The following FSTL4 variants were observed in gnomAD, a reference collection of about 807,000 sequenced individuals.
FSTL4 encodes follistatin like 4.
In FSTL4, 28 loss-of-function variants were observed where a neutral mutation model predicts 78.2. The ratio of observed to expected loss-of-function variants is 0.36; its 90% CI spans 0.27 to 0.49. The LOEUF is 0.49. FSTL4 is among the 20% of genes least tolerant of loss of function. The pLI, the probability that FSTL4 is intolerant of heterozygous loss-of-function variation, is 0.98. For synonymous variants in FSTL4, 422 were observed against 440.5 expected (o/e 0.96, Z 0.53); for missense variants, 922 against 1,084.9 (o/e 0.85, Z 2.11).
At chr5:133,490,244 TAAC>T (rs1758229612) in intron 3 of FSTL4, among the ~76,000 whole-genome samples, 1 of 152,118 alleles carries the variant, frequency 6.6e-6, no homozygotes, top group African/African-American at 2.4e-5. Flanking sequence ...GTGAAATTAA[TAAC>T]AAACTGATCT....
At chr5:133,815,539 A>C in the FSTL4 span, among the ~76,000 whole-genome samples, 19 of 152,226 alleles carry the variant, frequency 1.2e-4, no homozygotes, top group African/African-American at 4.6e-4. Flanking sequence ...AAGATGTGGC[A>C]CAGTGGTAAG....
rs1554097223 is a variant in FSTL4, at chr5:133,221,913, T to TTTTGTTG, written c.1340-1048_1340-1047insCAACAAA. 3.1e-5 allele frequency among the ~76,000 whole-genome samples: 3 copies of TTTTGTTG among 97,806 alleles called. No homozygotes were observed. In the South Asian group the frequency reaches 9.7e-4, roughly 32 times the overall value. 64.2% of individuals were successfully genotyped at this position (97,806 alleles called of 152,430 possible). Reference sequence around the variant, plus strand: ...CTAGTTTTTTTTTTTTTTTTTTTTTTTTTTTTTTTTTTTTAGCATGCTGAG... The same window carrying TTTTGTTG: ...CTAGTTTTTTTTTTTTTTTTTTTTTTTTTGTTGTTTTTTTTTTTTTTAGCATGCTGAG... On this transcript the variant is annotated intron_variant, in intron 11 of 15. Transcript: ENST00000265342.
chr5:133,741,125 C>A, the FSTL4 span, among the ~76,000 whole-genome samples: 4 of 152,170 alleles, frequency 2.6e-5, no homozygotes, highest in African/African-American at 7.2e-5. Context: ...GACACCCCCA[C>A]CAACAACTGC....
At chr5:133,575,700 A>C (rs1760261670) in intron 2 of FSTL4, among the ~76,000 whole-genome samples, 1 of 152,252 alleles carries the variant, frequency 6.6e-6, no homozygotes, top group African/African-American at 2.4e-5. Flanking sequence ...TCATTGACAT[A>C]ATGACACCAA....
At chr5:133,641,058 C>T in the FSTL4 span, among the ~76,000 whole-genome samples, 1 of 152,166 alleles carries the variant, frequency 6.6e-6, no homozygotes, top group Admixed American at 6.5e-5. Flanking sequence ...GCACAATTCC[C>T]ATAGACTACA....
intron 4 of FSTL4, among the ~76,000 whole-genome samples, chr5:133,352,570 T>C (rs918036741): frequency 6.6e-6 from 1 of 152,070 alleles, no homozygotes; most frequent in Non-Finnish European, 1.5e-5. Flanking sequence ...CCACCATGCA[T>C]AGCTAATTTT....
chr5:133,710,419 A>G, the FSTL4 span, among the ~76,000 whole-genome samples: 6 of 152,070 alleles, frequency 3.9e-5, no homozygotes, highest in Non-Finnish European at 8.8e-5. Context: ...CACTCTATTT[A>G]TCAGTAGTAC....
chr5:133,226,216 A>G (rs1276285481), intron 8 of FSTL4, among the ~76,000 whole-genome samples: 1 of 152,232 alleles, frequency 6.6e-6, no homozygotes, highest in Non-Finnish European at 1.5e-5. Context: ...AATTTCTTGC[A>G]GGAAATGTAT....
chr5:133,474,506 G>A (rs1015870732), intron 3 of FSTL4, among the ~76,000 whole-genome samples: 5 of 152,154 alleles, frequency 3.3e-5, no homozygotes, highest in Admixed American at 2.6e-4. Context: ...TTCTGTTAAT[G>A]GTTCTATTCT....
chr5:133,705,221 G>A, the FSTL4 span, among the ~76,000 whole-genome samples: 8 of 152,146 alleles, frequency 5.3e-5, no homozygotes, highest in East Asian at 7.7e-4. Flanking sequence ...CATCACGCCC[G>A]GCTAATTTTT....
intron 8 of FSTL4, among the ~76,000 whole-genome samples, chr5:133,228,131 G>A (rs1265289268): frequency 2.0e-5 from 3 of 152,210 alleles, no homozygotes; most frequent in Non-Finnish European, 4.4e-5. Flanking sequence ...GTAGGCTGAG[G>A]TGGGAGGATC....
At chr5:133,576,487 T>C (rs1760282506) in intron 2 of FSTL4, among the ~76,000 whole-genome samples, 1 of 152,218 alleles carries the variant, frequency 6.6e-6, no homozygotes, top group Non-Finnish European at 1.5e-5. Flanking sequence ...TGGAGCTCCA[T>C]GTGACCAGAT....
At chr5:133,304,334 T>C (rs1158577557) in intron 6 of FSTL4, among the ~76,000 whole-genome samples, 1 of 152,168 alleles carries the variant, frequency 6.6e-6, no homozygotes, top group East Asian at 1.9e-4. Flanking sequence ...AATTTCGAGC[T>C]TTATGATGTC....
chr5:133,507,385 A>T (rs948321054), intron 3 of FSTL4, among the ~76,000 whole-genome samples: 6 of 152,112 alleles, frequency 3.9e-5, no homozygotes, highest in Non-Finnish European at 8.8e-5. Context: ...GATCAGAAAG[A>T]TGCTTTGGAA....
At chr5:133,282,265 A>C (rs547695628) in intron 6 of FSTL4, among the ~76,000 whole-genome samples, 2 of 152,266 alleles carry the variant, frequency 1.3e-5, no homozygotes, top group African/African-American at 4.8e-5. Context: ...CTGTGGGCAC[A>C]CATGAACACG....
chr5:133,795,591 G>A, the FSTL4 span, among the ~76,000 whole-genome samples: 1 of 150,318 alleles, frequency 6.7e-6, no homozygotes, highest in Non-Finnish European at 1.5e-5. Flanking sequence ...ATTTTCATTG[G>A]GAATCTTCAA....
chr5:133,718,146 G>T, the FSTL4 span, among the ~76,000 whole-genome samples: 1 of 151,812 alleles, frequency 6.6e-6, no homozygotes, highest in Non-Finnish European at 1.5e-5. Context: ...AGGCTGGAGT[G>T]CAGTGGCACA....
chr5:133,206,092 A>G (rs536280941), intron 14 of FSTL4, among the ~76,000 whole-genome samples: 41 of 152,314 alleles, frequency 2.7e-4, no homozygotes, highest in African/African-American at 9.4e-4. Flanking sequence ...TATAATCACA[A>G]TAACACTGGC....
At chr5:133,516,216 C>CAAGAA (rs1758849659) in intron 3 of FSTL4, among the ~76,000 whole-genome samples, 2 of 151,790 alleles carry the variant, frequency 1.3e-5, no homozygotes, top group Non-Finnish European at 2.9e-5. Context: ...GGTCTAGACC[C>CAAGAA]TGCAGTTAGA....
Sources: gnomAD v4.1 joint callset for allele counts (sites outside exome capture counted in the v4.1 genomes callset) on GRCh38, gnomAD v4.1.1 for gene constraint, MANE v1.5 for transcripts, NCBI Gene and HGNC (gene_info 2026-07-23, HGNC 2026-07-21) for gene names.